Variants in PDE4D observed in about 807,000 individuals in gnomAD.
PDE4D encodes the protein 3',5'-cyclic-AMP phosphodiesterase 4D.
Under a neutral mutation model 87.4 loss-of-function variants are expected in PDE4D, and 24 were observed. The ratio of observed to expected loss-of-function variants is 0.27; its 90% CI spans 0.20 to 0.39. The LOEUF is 0.39. Ranked by LOEUF, PDE4D falls within the 10% of genes least tolerant of loss-of-function variation. PDE4D has a pLI of 1.00. For missense variants in PDE4D, 714 were observed against 1,041.0 expected (o/e 0.69, Z 4.32); for synonymous variants, 384 against 383.2 (o/e 1.00, Z -0.02).
At chr5:60,506,967 G>A (rs1750352867) in intron 1 of PDE4D, among the ~76,000 whole-genome samples, 1 of 152,146 alleles carries the variant, frequency 6.6e-6, no homozygotes, top group African/African-American at 2.4e-5. Flanking sequence ...ATTAGCAAAA[G>A]ATAACCTCTG....
intron 1 of PDE4D, among the ~76,000 whole-genome samples, chr5:59,579,922 T>G (rs1823807443): frequency 6.6e-6 from 1 of 152,210 alleles, no homozygotes; most frequent in Admixed American, 6.5e-5. Flanking sequence ...CTTTTAAATT[T>G]CTCATTCTGA....
chr5:59,876,462 T>G (rs1045674073), intron 1 of PDE4D, among the ~76,000 whole-genome samples: 3 of 152,206 alleles, frequency 2.0e-5, no homozygotes, highest in Non-Finnish European at 4.4e-5. Context: ...GATTTCCATC[T>G]CTTTATTCTT....
rs185042616 is a variant in PDE4D, at chr5:60,025,359, C to G, written c.43-36642G>C. On this transcript the variant is annotated intron_variant, in intron 2 of 16. Coordinates refer to the PDE4D transcript ENST00000502484. Reference sequence around the variant, plus strand: ...ATTATGCCCCCGACTACTCCAGCAACTAATGATTTTATTTATTCATCCCAA... The same window carrying G: ...ATTATGCCCCCGACTACTCCAGCAAGTAATGATTTTATTTATTCATCCCAA... Among the ~76,000 whole-genome samples the G allele has an allele frequency of 2.5e-4, 38 of 152,262 alleles. No homozygotes were observed. The East Asian group carries it at 4.2e-3, about 17-fold the overall frequency.
chr5:60,044,917 C>T (rs2152872036), intron 2 of PDE4D, among the ~76,000 whole-genome samples: 1 of 152,224 alleles, frequency 6.6e-6, no homozygotes, highest in African/African-American at 2.4e-5. Context: ...ATTTCTAGTT[C>T]TAGATCCCTG....
chr5:60,444,709 G>A (rs905800393), intron 1 of PDE4D, among the ~76,000 whole-genome samples: 2 of 152,026 alleles, frequency 1.3e-5, no homozygotes, highest in Middle Eastern at 3.4e-3. Flanking sequence ...ACAATTGCAA[G>A]CAGTCCAGGA....
At chr5:59,534,447 C>T (rs1387806531) in intron 1 of PDE4D, among the ~76,000 whole-genome samples, 2 of 152,196 alleles carry the variant, frequency 1.3e-5, no homozygotes, top group East Asian at 3.8e-4. Context: ...GAGACAGCCT[C>T]AAGGATCTGG....
At chr5:60,213,709 T>C (rs1190401044) in intron 1 of PDE4D, among the ~76,000 whole-genome samples, 1 of 152,180 alleles carries the variant, frequency 6.6e-6, no homozygotes, top group Non-Finnish European at 1.5e-5. Flanking sequence ...CTGCTGCGTT[T>C]CTGCTACACC....
chr5:59,667,074 C>A (rs576753269), intron 1 of PDE4D, among the ~76,000 whole-genome samples: 1 of 152,088 alleles, frequency 6.6e-6, no homozygotes, highest in Non-Finnish European at 1.5e-5. Context: ...CAGAGTAATT[C>A]TATGAAATGG....
At chr5:59,640,916 A>G (rs994989037) in intron 1 of PDE4D, among the ~76,000 whole-genome samples, 2 of 152,224 alleles carry the variant, frequency 1.3e-5, no homozygotes, top group Admixed American at 1.3e-4. Context: ...ATTTAAGGCA[A>G]TTCTATATCT....
chr5:59,942,987 G>A (rs1757341542), intron 3 of PDE4D, among the ~76,000 whole-genome samples: 1 of 152,048 alleles, frequency 6.6e-6, no homozygotes, highest in Non-Finnish European at 1.5e-5. Flanking sequence ...AAAACGCACA[G>A]AACAGCCCCA....
intron 5 of PDE4D, among the ~76,000 whole-genome samples, chr5:59,154,612 C>A (rs1779899125): frequency 2.6e-5 from 4 of 152,228 alleles, no homozygotes; most frequent in African/African-American, 9.6e-5. Context: ...TGGGGCCGAG[C>A]ATGGTGGCTC....
chr5:59,555,885 T>A (rs1818818782), intron 1 of PDE4D, among the ~76,000 whole-genome samples: 1 of 152,124 alleles, frequency 6.6e-6, no homozygotes, highest in Admixed American at 6.6e-5. Context: ...TTTCAGCTTG[T>A]GTGTTTTTGA....
In PDE4D at chr5:59,352,811, T is replaced by C. The variant is rs117940830; in HGVS notation, c.456-136843A>G. 3.3e-3 allele frequency among the ~76,000 whole-genome samples: 500 copies of C among 152,302 alleles called. 18 individuals are homozygous for C. In the East Asian group the frequency reaches 0.058, roughly 18 times the overall value. On this transcript the variant is annotated intron_variant, in intron 1 of 14. Transcript: ENST00000340635. ...TCCTTCTACTGTTCAGTCTATGTCA[T>C]ATCAAATAAATTTACTCATTAGACC... is the stretch of plus-strand genomic sequence containing the variant.
chr5:59,087,014 A>G (rs1185487983), intron 5 of PDE4D, among the ~76,000 whole-genome samples: 2 of 152,160 alleles, frequency 1.3e-5, no homozygotes, highest in Non-Finnish European at 2.9e-5. Flanking sequence ...GGACATTTCC[A>G]CAATCCCTGA....
chr5:60,209,992 G>T (rs189716511), intron 1 of PDE4D, among the ~76,000 whole-genome samples: 198 of 152,170 alleles, frequency 1.3e-3, no homozygotes, highest in African/African-American at 4.6e-3. Flanking sequence ...ACATTGAAAA[G>T]AAAGGAAAAT....
Position 59,245,040 on chromosome 5 carries a change from T to C in PDE4D, c.456-29072A>G, listed in dbSNP as rs1758567378. On this transcript the variant is annotated intron_variant, in intron 1 of 14. Transcript: ENST00000340635. Reference sequence around the variant, plus strand: ...AGAAAAACATGTTATTACAAAATAATTCAATAGGAAACTACTTTTAGAAAT... The same window carrying C: ...AGAAAAACATGTTATTACAAAATAACTCAATAGGAAACTACTTTTAGAAAT... Among the ~76,000 whole-genome samples the C allele has an allele frequency of 2.0e-5, 3 of 152,176 alleles. No individual in the cohort carries two copies. In the South Asian group the frequency reaches 6.2e-4, roughly 32 times the overall value.
rs1047509197 is a variant in PDE4D at position 60,097,329 on chromosome 5, T to C, written c.42+88228A>G. Among the ~76,000 whole-genome samples the C allele has an allele frequency of 1.3e-4, 19 of 143,090 alleles. No homozygotes were observed. In the Admixed American group the frequency reaches 1.3e-3, roughly 10 times the overall value. The allele number at this position is 143,090 out of a possible 152,430, so 93.9% of individuals were successfully genotyped here. ...TAAAGAAGGAAAGATTGTCTTTTGC[T>C]AAAGGACAAATAGAGAGCAAGTTGG... On this transcript the variant is annotated intron_variant, in intron 2 of 16. Coordinates refer to the PDE4D transcript ENST00000502484.
chr5:60,414,537 G>A (rs956884653), intron 1 of PDE4D, among the ~76,000 whole-genome samples: 3 of 152,122 alleles, frequency 2.0e-5, no homozygotes, highest in Non-Finnish European at 4.4e-5. Flanking sequence ...CATTCCAAGG[G>A]ACATATATAA....
chr5:59,542,942 T>C (rs1201317334), intron 1 of PDE4D, among the ~76,000 whole-genome samples: 1 of 152,112 alleles, frequency 6.6e-6, no homozygotes, highest in Non-Finnish European at 1.5e-5. Context: ...AGTAATGTGG[T>C]CAGTCTGCAT....
Sources: gnomAD v4.1 joint callset for allele counts (sites outside exome capture counted in the v4.1 genomes callset) on GRCh38, gnomAD v4.1.1 for gene constraint, MANE v1.5 for transcripts, NCBI Gene and HGNC (gene_info 2026-07-23, HGNC 2026-07-21) for gene names.